EEPD1: variants seen among roughly 807,000 people sequenced by gnomAD.
EEPD1 encodes endonuclease/exonuclease/phosphatase family domain containing 1.
Under a neutral mutation model 46.3 loss-of-function variants are expected in EEPD1, and 17 were observed. The observed-to-expected ratio is 0.37, with a 90% CI of 0.25 to 0.55. The LOEUF (loss-of-function observed/expected upper bound fraction) is 0.55, where lower values mean the gene tolerates loss of function less well. Ranked by LOEUF, EEPD1 falls within the 20% of genes least tolerant of loss-of-function variation. The probability of loss-of-function intolerance (pLI) is 0.83; values close to 1 mark genes in which losing one functional copy is unlikely to be tolerated. For missense variants in EEPD1, 673 were observed against 745.6 expected, an observed-to-expected ratio of 0.90 and a Z score of 1.13; for synonymous variants, 313 against 315.6, an observed-to-expected ratio of 0.99 and a Z score of 0.09.
chr7:36,284,549 T>C, intron 4 of EEPD1, 137 bp from the exon 5 acceptor site: 1 of 1,059,428 alleles, frequency 9.4e-7, no homozygotes, highest in East Asian at 2.8e-5. Context: ...GTGGCTTTCG[T>C]GGTGTGCTTT....
rs527750726 is a variant in EEPD1 at position 36,242,795 on chromosome 7, G to C, written c.930+3759G>C. On this transcript the variant is annotated intron_variant, in intron 3 of 7. Transcript: ENST00000242108. ...AAAAAAAAAAAAAAAAAAGCCAGGT[G>C]TGGTGGCAGGTGCCTCCCAGCTAAT... 6.0e-5 allele frequency among the ~76,000 whole-genome samples: 9 copies of C among 149,466 alleles called. No individual in the cohort carries two copies. In the East Asian group the frequency reaches 1.8e-3, roughly 29 times the overall value.
At position 36,281,168 on chromosome 7, in the gene EEPD1, G is replaced by GC. The variant is rs1787255238; in HGVS notation, c.988dup (p.Arg330ProfsTer10). On this transcript the variant is annotated frameshift_variant, in exon 4 of 8. Coordinates refer to ENST00000242108, the MANE Select transcript of EEPD1 (RefSeq NM_030636.3). LOFTEE classifies it high-confidence loss of function. ...TGCCCAACATCCGCAAGTGGAAGGG[G>GC]CCCCGGGGATGCTGGAAGGCTGTTG... 1 of 1,614,056 alleles carries GC rather than the reference G, an allele frequency of 6.2e-7. No homozygotes were observed. Among genetic ancestry groups the GC allele is most frequent in the African/African-American group, 1.3e-5 (1 of 74,920 alleles).
At chr7:36,264,186 T>C (rs1322449999) in intron 3 of EEPD1, among the ~76,000 whole-genome samples, 1 of 152,204 alleles carries the variant, frequency 6.6e-6, no homozygotes, top group Non-Finnish European at 1.5e-5. Context: ...TCTAGTTTCA[T>C]TTTGTTTCAG....
intron 2 of EEPD1, among the ~76,000 whole-genome samples, chr7:36,212,637 C>T (rs73690304): frequency 0.03 from 4,536 of 148,892 alleles, 279 homozygotes; most frequent in African/African-American, 0.11. Context: ...CAGTGGGAGC[C>T]GACTACACAA....
intron 2 of EEPD1, among the ~76,000 whole-genome samples, chr7:36,167,443 C>T (rs1399805980): frequency 1.3e-5 from 2 of 152,140 alleles, no homozygotes; most frequent in Non-Finnish European, 2.9e-5. Context: ...GAATGGCTTT[C>T]TTGTCGGGCC....
chr7:36,226,567 G>T (rs114583104), intron 2 of EEPD1, among the ~76,000 whole-genome samples: 1,677 of 152,292 alleles, frequency 0.011, 27 homozygotes, highest in African/African-American at 0.039. Context: ...AAATGGAAAC[G>T]TGAACTCAGC....
chr7:36,199,929 G>A (rs776924350), intron 2 of EEPD1, among the ~76,000 whole-genome samples: 10 of 152,186 alleles, frequency 6.6e-5, no homozygotes, highest in South Asian at 2.1e-4. Flanking sequence ...TGCACGCTCC[G>A]TGGGACACCT....
chr7:36,251,923 A>G (rs1379482762), intron 3 of EEPD1, among the ~76,000 whole-genome samples: 1 of 152,244 alleles, frequency 6.6e-6, no homozygotes, highest in African/African-American at 2.4e-5. Flanking sequence ...GTTGAAATAT[A>G]TATTTTAATT....
chr7:36,284,850 A>G, intron 5 of EEPD1, 30 bp downstream of exon 5: 1 of 1,433,656 alleles, frequency 7.0e-7, no homozygotes, highest in Non-Finnish European at 9.2e-7. Flanking sequence ...TGTGACGTGG[A>G]ATCTGCTTCT....
intron 2 of EEPD1, among the ~76,000 whole-genome samples, chr7:36,175,941 A>C (rs1225436144): frequency 2.6e-5 from 4 of 152,180 alleles, no homozygotes; most frequent in African/African-American, 7.2e-5. Context: ...GGTCCCTGTG[A>C]GGTGATGACT....
chr7:36,253,769 A>G (rs1786783131), intron 3 of EEPD1, among the ~76,000 whole-genome samples: 1 of 152,108 alleles, frequency 6.6e-6, no homozygotes, highest in African/African-American at 2.4e-5. Context: ...TACAGTTGCT[A>G]TTTGCATGAT....
At chr7:36,298,522 C>T (rs113072997) in intron 7 of EEPD1, among the ~76,000 whole-genome samples, 2 of 152,194 alleles carry the variant, frequency 1.3e-5, no homozygotes, top group African/African-American at 2.4e-5. Flanking sequence ...TCTAAATCCT[C>T]GTTTTAAAAA....
Position 36,299,105 on chromosome 7 carries a change from G to A in EEPD1, c.1609G>A (p.Glu537Lys). Residue 537 changes from glutamate (E) to lysine (K), a missense_variant, in exon 8 of 8, where the codon GAG becomes AAG. Coordinates refer to ENST00000242108, the MANE Select transcript of EEPD1 (RefSeq NM_030636.3). ...VASEHCPVLA[E>K]FYTEKDWSKK... ...TTCTGAACACTGCCCAGTGCTAGCC[G>A]AGTTCTACACTGAAAAGGACTGGAG... 7 of 1,611,520 alleles carry A rather than the reference G, an allele frequency of 4.3e-6. No individual in the cohort carries two copies. The highest frequency in any genetic ancestry group is 2.2e-5 in the South Asian group (2 of 90,980).
intron 3 of EEPD1, among the ~76,000 whole-genome samples, chr7:36,272,534 G>A (rs1316457842): frequency 5.5e-5 from 7 of 128,010 alleles, no homozygotes; most frequent in African/African-American, 1.2e-4. Context: ...TGCTCCCTTC[G>A]CTTATTTGTA....
chr7:36,261,424 A>G (rs1299927972), intron 3 of EEPD1, among the ~76,000 whole-genome samples: 1 of 152,098 alleles, frequency 6.6e-6, no homozygotes, highest in African/African-American at 2.4e-5. Flanking sequence ...AATGTGCCCA[A>G]CTCACTGCTG....
intron 3 of EEPD1, among the ~76,000 whole-genome samples, chr7:36,260,984 A>G (rs78053117): frequency 1.5e-3 from 227 of 152,380 alleles, no homozygotes; most frequent in Admixed American, 3.1e-3. Context: ...TGCATAGATT[A>G]TAAACAAATA....
intron 2 of EEPD1, among the ~76,000 whole-genome samples, chr7:36,177,227 TCTTAC>T (rs999124936): frequency 5.6e-4 from 59 of 104,584 alleles, no homozygotes; most frequent in African/African-American, 2.0e-3. Context: ...TTAAATGACA[TCTTAC>T]TTGAGGTTTT....
chr7:36,235,440 C>A (rs1027626784), intron 2 of EEPD1, among the ~76,000 whole-genome samples: 11 of 152,366 alleles, frequency 7.2e-5, no homozygotes, highest in African/African-American at 2.6e-4. Flanking sequence ...CCTCTGTGAT[C>A]GCCTTTTTTC....
Position 36,220,015 on chromosome 7 carries a change from G to A in EEPD1, c.879-18970G>A, listed in dbSNP as rs537167239. ...TGCGGGAAGAAGAGCACAGGAAAAT[G>A]GAAGTACAGAAGGGAACAGGCCCAG... On this transcript the variant is annotated intron_variant, in intron 2 of 7. Transcript: ENST00000242108. 5.3e-5 allele frequency among the ~76,000 whole-genome samples: 8 copies of A among 152,212 alleles called. No homozygotes were observed. The South Asian group carries it at 1.7e-3, about 32-fold the overall frequency.
Sources: gnomAD v4.1 joint callset for allele counts (sites outside exome capture counted in the v4.1 genomes callset) on GRCh38, gnomAD v4.1.1 for gene constraint, MANE v1.5 for transcripts, NCBI Gene and HGNC (gene_info 2026-07-23, HGNC 2026-07-21) for gene names.